The following SLC9A4 variants were observed in gnomAD, a reference collection of about 807,000 sequenced individuals.
The protein encoded by SLC9A4 is sodium/hydrogen exchanger 4.
In SLC9A4, 63 loss-of-function variants were observed where a neutral mutation model predicts 67.4. That is an observed-to-expected ratio of 0.93 (90% confidence interval 0.76 to 1.15). The LOEUF (loss-of-function observed/expected upper bound fraction) is 1.15, where lower values mean the gene tolerates loss of function less well. SLC9A4 is among the 50% of genes most tolerant of loss of function. The probability of loss-of-function intolerance (pLI) is 0.00; values close to 1 mark genes in which losing one functional copy is unlikely to be tolerated. For missense variants in SLC9A4, 1,089 were observed against 987.7 expected, an observed-to-expected ratio of 1.10 and a Z score of -1.38; for synonymous variants, 393 against 367.2, an observed-to-expected ratio of 1.07 and a Z score of -0.80.
chr2:102,493,194 T>G (rs1684738711), intron 2 of SLC9A4, among the ~76,000 whole-genome samples: 1 of 149,586 alleles, frequency 6.7e-6, no homozygotes, highest in African/African-American at 2.6e-5. Flanking sequence ...TGTCTTCTTC[T>G]GAGCCCTTCA....
chr2:102,478,964 A>T lies in SLC9A4; in HGVS notation c.382A>T (p.Ser128Cys). 2 of 1,614,038 alleles carry T rather than the reference A, an allele frequency of 1.2e-6. No individual in the cohort carries two copies. The highest frequency in any genetic ancestry group is 2.2e-5 in the South Asian group (2 of 91,082). ...CAAATCGCCTCCGGTCATGGACTCC[A>T]GCATCTACTTCCTGTATCTCCTGCC... is the stretch of plus-strand genomic sequence containing the variant. ...DHKSPPVMDS[S>C]IYFLYLLPPI... The change falls in exon 2 of 12, where the codon AGC (serine) becomes TGC (cysteine). Residue 128 changes from serine (S) to cysteine (C), a missense_variant. Ser to Cys is a moderately radical substitution (Grantham distance 112, BLOSUM62 -1). Coordinates refer to ENST00000295269, the MANE Select transcript of SLC9A4 (RefSeq NM_001011552.4).
intron 2 of SLC9A4, among the ~76,000 whole-genome samples, chr2:102,490,913 CT>C (rs1261521816): frequency 5.9e-5 from 9 of 152,320 alleles, no homozygotes; most frequent in African/African-American, 1.9e-4. Context: ...AGGTCTTTAG[CT>C]TATAGAGCAG....
At position 102,503,593 on chromosome 2, in the gene SLC9A4, C is replaced by T. The variant is rs1182785151; in HGVS notation, c.866C>T (p.Ala289Val). Residue 289 changes from alanine (A) to valine (V), a missense_variant, in exon 3 of 12, where the codon GCA becomes GTA. Physicochemically the swap from Ala to Val is moderately conservative, Grantham distance 64. Coordinates refer to ENST00000295269, the MANE Select transcript of SLC9A4 (RefSeq NM_001011552.4). Reference protein sequence around the residue: ...LFGIVFGFISAFITRFTQNIS... With the variant: ...LFGIVFGFISVFITRFTQNIS... ...GGCATCGTTTTTGGATTTATTTCTG[C>T]ATTTATCACACGTTTCACTCAGAAT... The T allele has an allele frequency of 1.9e-6, 3 of 1,614,062 alleles. No homozygotes were observed.
chr2:102,487,017 C>G (rs898038868), intron 2 of SLC9A4, among the ~76,000 whole-genome samples: 1 of 152,218 alleles, frequency 6.6e-6, no homozygotes, highest in Non-Finnish European at 1.5e-5. Flanking sequence ...CTGTGAGGCT[C>G]TCCCCTGGGG....
At chr2:102,503,765 T>C in intron 3 of SLC9A4, 58 bp downstream of exon 3, 1 of 1,583,108 alleles carries the variant, frequency 6.3e-7, no homozygotes, top group South Asian at 1.2e-5. Context: ...TAGAACCACA[T>C]CACATGAGCC....
intron 11 of SLC9A4, among the ~76,000 whole-genome samples, chr2:102,529,406 G>A (rs139572536): frequency 2.3e-4 from 35 of 152,302 alleles, no homozygotes; most frequent in African/African-American, 7.7e-4. Context: ...TGGGTCATAT[G>A]TCTGCAGGAT....
intron 2 of SLC9A4, among the ~76,000 whole-genome samples, chr2:102,492,248 G>A (rs1051535486): frequency 1.2e-4 from 18 of 152,214 alleles, no homozygotes; most frequent in Admixed American, 1.1e-3. Flanking sequence ...TCTTCTCACA[G>A]CCCCACTAGG....
intron 2 of SLC9A4, 54 bp from the exon 3 acceptor site, chr2:102,503,394 G>T: frequency 1.4e-6 from 2 of 1,448,518 alleles, no homozygotes; most frequent in Admixed American, 2.4e-5. Flanking sequence ...TGCATGCAAA[G>T]TGTTCCTAGT....
rs1674830837 is a variant in SLC9A4, at chr2:102,533,864, G to A, written c.*1176G>A. The stretch of plus-strand genomic sequence containing the variant: ...CTGCATGGTATTCCATGGTGTATAT[G>A]TGCCACATTTTCTTAATCCAGTCTA... On this transcript the variant is annotated 3_prime_UTR_variant, in exon 12 of 12. Transcript: ENST00000295269. 1 of 151,226 alleles carries A rather than the reference G, an allele frequency of 6.6e-6. No individual in the cohort carries two copies. The allele number at this position is 151,226 out of a possible 1,614,324, so 9.4% of individuals were successfully genotyped here.
At position 102,473,829 on chromosome 2, in the gene SLC9A4, T is replaced by C; in HGVS notation, c.70T>C (p.Ser24Pro). 1 of 1,614,124 alleles carries C rather than the reference T, an allele frequency of 6.2e-7. No individual in the cohort carries two copies. The highest frequency in any genetic ancestry group is 8.5e-7 in the Non-Finnish European group (1 of 1,179,962). The part of the protein sequence containing the change: ...CLLLLVALEC[S>P]EASSDLNESA... ...GCTACTGCTAGTGGCTCTTGAGTGT[T>C]CTGAAGCATCTTCTGATTTGAATGA... The change falls in exon 1 of 12, where the codon TCT becomes CCT. Residue 24 changes from serine to proline, a missense_variant. Transcript: ENST00000295269.
At chr2:102,503,732 C>G (rs1429577447) in intron 3 of SLC9A4, 25 bp downstream of exon 3, 5 of 1,609,406 alleles carry the variant, frequency 3.1e-6, no homozygotes, top group Non-Finnish European at 4.2e-6. Context: ...AGGATCAAGT[C>G]ACATAGTAAT....
intron 9 of SLC9A4, among the ~76,000 whole-genome samples, chr2:102,523,241 T>C (rs1674581942): frequency 1.3e-5 from 2 of 152,132 alleles, no homozygotes; most frequent in African/African-American, 4.8e-5. Flanking sequence ...CCTGAAGTGC[T>C]AGGATTACCA....
At chr2:102,510,118 CT>C (rs1383127952) in intron 6 of SLC9A4, among the ~76,000 whole-genome samples, 2 of 151,646 alleles carry the variant, frequency 1.3e-5, no homozygotes, top group African/African-American at 4.9e-5. Context: ...TTTTGTCCTC[CT>C]TTTTTGTCCA....
intron 2 of SLC9A4, among the ~76,000 whole-genome samples, chr2:102,501,877 C>T (rs1231678980): frequency 6.6e-6 from 1 of 151,404 alleles, no homozygotes; most frequent in Non-Finnish European, 1.5e-5. Flanking sequence ...AAGCAGAAGG[C>T]GTGGGTGAGC....
chr2:102,502,629 G>C (rs576282219), intron 2 of SLC9A4, among the ~76,000 whole-genome samples: 9 of 152,218 alleles, frequency 5.9e-5, no homozygotes, highest in Admixed American at 6.5e-5. Flanking sequence ...AGAGAAGTTG[G>C]CTGCTTTATC....
intron 2 of SLC9A4, among the ~76,000 whole-genome samples, chr2:102,487,229 C>T (rs1464295329): frequency 6.8e-6 from 1 of 146,450 alleles, no homozygotes; most frequent in Non-Finnish European, 1.5e-5. Context: ...GAGAAGTAAA[C>T]CAAGAGAGAG....
intron 2 of SLC9A4, among the ~76,000 whole-genome samples, chr2:102,488,609 C>A (rs533779491): frequency 6.7e-6 from 1 of 148,212 alleles, no homozygotes; most frequent in Non-Finnish European, 1.5e-5. Flanking sequence ...AGTGCAGTGG[C>A]GCGATCTCAG....
At chr2:102,507,916 G>T (rs933404170) in intron 4 of SLC9A4, among the ~76,000 whole-genome samples, 163 bp from the exon 5 acceptor site, 1 of 152,228 alleles carries the variant, frequency 6.6e-6, no homozygotes, top group Admixed American at 6.5e-5. Context: ...CTATCAAAGT[G>T]AGAAGCCATA....
intron 1 of SLC9A4, among the ~76,000 whole-genome samples, chr2:102,476,242 T>G (rs1009618491): frequency 2.6e-4 from 39 of 152,246 alleles, no homozygotes; most frequent in African/African-American, 8.7e-4. Flanking sequence ...TTCCACATCT[T>G]AGAACATCAC....
Sources: gnomAD v4.1 joint callset for allele counts (sites outside exome capture counted in the v4.1 genomes callset) on GRCh38, gnomAD v4.1.1 for gene constraint, MANE v1.5 for transcripts, NCBI Gene and HGNC (gene_info 2026-07-23, HGNC 2026-07-21) for gene names.